SPTBN1: variants seen among roughly 807,000 people sequenced by gnomAD.
SPTBN1 encodes spectrin beta chain, non-erythrocytic 1.
In SPTBN1, 32 loss-of-function variants were observed where a neutral mutation model predicts 266.4. The ratio of observed to expected loss-of-function variants is 0.12; its 90% CI spans 0.09 to 0.16. The LOEUF is 0.16. Among genes scored for constraint, SPTBN1 ranks in the 10% least tolerant of loss-of-function variants. SPTBN1 has a pLI of 1.00. For missense variants in SPTBN1, 2,296 were observed against 3,067.1 expected, an observed-to-expected ratio of 0.75 and a Z score of 5.94; for synonymous variants, 1,336 against 1,162.2, an observed-to-expected ratio of 1.15 and a Z score of -3.04.
At chr2:54,596,193 G>GCTC (rs1676078927) in intron 2 of SPTBN1, among the ~76,000 whole-genome samples, 2 of 152,168 alleles carry the variant, frequency 1.3e-5, no homozygotes, top group Admixed American at 1.3e-4. Context: ...AGGGCCTCCT[G>GCTC]CTCCTCCTCA....
At chr2:54,459,735 C>A (rs1433414101) in intron 1 of SPTBN1, among the ~76,000 whole-genome samples, 1 of 152,148 alleles carries the variant, frequency 6.6e-6, no homozygotes, top group African/African-American at 2.4e-5. Context: ...GCAAACCATT[C>A]TTCCAGAAGG....
intron 18 of SPTBN1, among the ~76,000 whole-genome samples, chr2:54,639,943 G>C (rs1336738051): frequency 6.6e-6 from 1 of 152,122 alleles, no homozygotes; most frequent in African/African-American, 2.4e-5. Context: ...CCCTTGTCCT[G>C]CCTGTCTCTC....
chr2:54,579,812 T>C (rs1184773920), intron 2 of SPTBN1, among the ~76,000 whole-genome samples: 1 of 152,164 alleles, frequency 6.6e-6, no homozygotes, highest in Non-Finnish European at 1.5e-5. Context: ...TGCCAGAAAG[T>C]ATAGTGAGAG....
At position 54,614,006 on chromosome 2, in the gene SPTBN1, G is replaced by A. The variant is rs150369680; in HGVS notation, c.474+1672G>A. Among the ~76,000 whole-genome samples, 122 of 152,302 alleles carry A rather than the reference G, an allele frequency of 8.0e-4. 2 individuals are homozygous for A. In the East Asian group the frequency reaches 0.022, roughly 28 times the overall value. ...CACAGCCCTTTTCAGGATTCTCAGC[G>A]TGAATTGCTTTGAGTCATTGACTAA... On this transcript the variant is annotated intron_variant, in intron 4 of 35. Coordinates refer to ENST00000356805, the MANE Select transcript of SPTBN1 (RefSeq NM_003128.3).
At chr2:54,548,865 T>A (rs1017546048) in intron 2 of SPTBN1, among the ~76,000 whole-genome samples, 5 of 152,336 alleles carry the variant, frequency 3.3e-5, no homozygotes, top group South Asian at 4.1e-4. Context: ...TAGGCTGGCA[T>A]AGGCTCTCTG....
intron 1 of SPTBN1, among the ~76,000 whole-genome samples, chr2:54,506,894 CTTT>C (rs779582626): frequency 1.3e-4 from 18 of 133,486 alleles, no homozygotes; most frequent in Non-Finnish European, 1.9e-4. Flanking sequence ...GGTTCTCTCT[CTTT>C]TTTTTTTTTT....
At position 54,623,479 on chromosome 2, in the gene SPTBN1, A is replaced by C; in HGVS notation, c.1065A>C (p.Lys355Asn). ...NTYRTVEKPP[K>N]FTEKGNLEVL... The stretch of plus-strand genomic sequence containing the variant: ...AATGAATGTTTTCCCCTGTGTTTAG[A>C]TTTACTGAGAAGGGGAACTTGGAAG... Residue 355 changes from lysine to asparagine, a missense_variant and splice_region_variant, in exon 10 of 36, where the codon AAA (lysine) becomes AAC (asparagine). Transcript: ENST00000356805. 1 of 1,613,844 alleles carries C rather than the reference A, an allele frequency of 6.2e-7. No homozygotes were observed. The highest frequency in any genetic ancestry group is 1.1e-5 in the South Asian group (1 of 91,054).
chr2:54,667,394 G>A (rs1236126454), intron 34 of SPTBN1, among the ~76,000 whole-genome samples: 1 of 152,144 alleles, frequency 6.6e-6, no homozygotes, highest in Non-Finnish European at 1.5e-5. Context: ...CTCCCTGTGT[G>A]TATCATTGGC....
At chr2:54,581,577 CTTTTTTTTTTTTT>C (rs70944181) in intron 2 of SPTBN1, among the ~76,000 whole-genome samples, 2 of 102,662 alleles carry the variant, frequency 1.9e-5, no homozygotes, top group African/African-American at 4.1e-5. Context: ...TTTCTTTGCC[CTTTTTTTTTTTTT>C]TTTTTTTTTT....
intron 1 of SPTBN1, among the ~76,000 whole-genome samples, chr2:54,463,090 TG>T (rs11365305): frequency 0.16 from 24,526 of 152,072 alleles, 2,095 homozygotes; most frequent in African/African-American, 0.19. Flanking sequence ...GAGAGGTGAC[TG>T]GGGGTCCAGA....
At chr2:54,508,244 C>A (rs530174575) in intron 1 of SPTBN1, among the ~76,000 whole-genome samples, 1 of 152,142 alleles carries the variant, frequency 6.6e-6, no homozygotes, top group African/African-American at 2.4e-5. Context: ...TAAATGACCA[C>A]GGTGGCCTTC....
intron 2 of SPTBN1, among the ~76,000 whole-genome samples, chr2:54,550,377 G>C (rs1672497001): frequency 6.6e-6 from 1 of 152,178 alleles, no homozygotes; most frequent in Non-Finnish European, 1.5e-5. Flanking sequence ...AGGAAGAAAT[G>C]ACTGCACCCT....
At chr2:54,636,745 C>G (rs2103981717) in intron 17 of SPTBN1, among the ~76,000 whole-genome samples, 1 of 152,352 alleles carries the variant, frequency 6.6e-6, no homozygotes, top group South Asian at 2.1e-4. Context: ...GAAAACCCAG[C>G]TCTCCTCAGT....
intron 2 of SPTBN1, among the ~76,000 whole-genome samples, chr2:54,596,863 A>G (rs1190864018): frequency 1.3e-5 from 2 of 151,976 alleles, no homozygotes; most frequent in African/African-American, 4.8e-5. Flanking sequence ...TTGGGCTGTA[A>G]CTCTTTAGGA....
chr2:54,611,256 T>A (rs1261828569), intron 3 of SPTBN1, among the ~76,000 whole-genome samples: 1 of 152,204 alleles, frequency 6.6e-6, no homozygotes, highest in Non-Finnish European at 1.5e-5. Context: ...TTTCAAATTG[T>A]CACCAATCTC....
chr2:54,557,791 G>A (rs950335125), intron 2 of SPTBN1: 2 of 985,274 alleles, frequency 2.0e-6, no homozygotes, highest in Non-Finnish European at 2.4e-6. Context: ...CCTGATGGCA[G>A]CGTAAGTCAG....
At chr2:54,475,003 A>G (rs1038507373) in intron 1 of SPTBN1, among the ~76,000 whole-genome samples, 6 of 152,256 alleles carry the variant, frequency 3.9e-5, no homozygotes, top group African/African-American at 1.2e-4. Flanking sequence ...TGAAAATACA[A>G]AAACACAAAA....
In SPTBN1 at chr2:54,529,251, C is replaced by A. The variant is rs185021373; in HGVS notation, c.148+2685C>A. 6.3e-4 allele frequency: 247 copies of A among 390,044 alleles called. 2 individuals are homozygous for A. In the East Asian group the frequency reaches 0.013, roughly 20 times the overall value. The allele number at this position is 390,044 out of a possible 1,614,324, so 24.2% of individuals were successfully genotyped here. On this transcript the variant is annotated intron_variant, in intron 2 of 35. Transcript: ENST00000356805. Reference sequence around the variant, plus strand: ...AGTCCCCTTCCTTCGGTGTTTGAGACCACTTCATCTGGACCGAGCTAAAGT... The same window carrying A: ...AGTCCCCTTCCTTCGGTGTTTGAGAACACTTCATCTGGACCGAGCTAAAGT...
chr2:54,626,343 C>G lies in SPTBN1; in HGVS notation c.1644+109C>G, dbSNP rs1678328071. The G allele has an allele frequency of 5.3e-6, 7 of 1,312,574 alleles. No individual in the cohort carries two copies. The South Asian group carries it at 1.1e-4, about 20-fold the overall frequency. 81.3% of individuals were successfully genotyped at this position (1,312,574 alleles called of 1,614,324 possible). Reference sequence around the variant, plus strand: ...TACAGCTGTGTGCCTTGTCTAACTGCCCACATGTACAGCTAGAGAGGAGCC... The same window carrying G: ...TACAGCTGTGTGCCTTGTCTAACTGGCCACATGTACAGCTAGAGAGGAGCC... On this transcript the variant is annotated intron_variant, in intron 12 of 35. Transcript: ENST00000356805. The surrounding 1 kb of genome is among the most constrained non-coding windows in gnomAD (Gnocchi z 4.7).
Sources: allele counts gnomAD v4.1 joint callset (sites outside exome capture counted in the v4.1 genomes callset), GRCh38; gene constraint gnomAD v4.1.1; non-coding constraint Gnocchi (gnomAD v3.1); transcripts MANE v1.5; gene names NCBI Gene and HGNC (gene_info 2026-07-23, HGNC 2026-07-21).